The following PKN2 variants were observed in gnomAD, a reference collection of about 807,000 sequenced individuals.
PKN2 encodes serine/threonine-protein kinase N2.
A neutral mutation model predicts 119.1 loss-of-function variants in PKN2; 38 were observed. The ratio of observed to expected loss-of-function variants is 0.32; its 90% CI spans 0.25 to 0.42. The LOEUF is 0.42. Among genes scored for constraint, PKN2 ranks in the 10% least tolerant of loss-of-function variants. The pLI is 1.00. For missense variants in PKN2, 850 were observed against 1,165.1 expected (o/e 0.73, Z 3.94); for synonymous variants, 390 against 384.9 (o/e 1.01, Z -0.15).
intron 1 of PKN2, among the ~76,000 whole-genome samples, chr1:88,703,102 T>C (rs1299467906): frequency 6.6e-6 from 1 of 152,242 alleles, no homozygotes; most frequent in Non-Finnish European, 1.5e-5. Context: ...TGGTTTATTC[T>C]GTAGGTTCAA....
chr1:88,827,712 T>C (rs1387116559), intron 18 of PKN2, among the ~76,000 whole-genome samples: 1 of 147,682 alleles, frequency 6.8e-6, no homozygotes, highest in East Asian at 2.0e-4. Context: ...GAGATATATA[T>C]ATGTTTTTTG....
At chr1:88,699,344 T>C (rs9803761) in intron 1 of PKN2, among the ~76,000 whole-genome samples, 17,083 of 152,216 alleles carry the variant, frequency 0.11, 1,972 homozygotes, top group African/African-American at 0.3. Context: ...TTTTTAATTA[T>C]ATAAGTATCT....
chr1:88,796,145 A>C (rs1231418700), intron 8 of PKN2, among the ~76,000 whole-genome samples: 1 of 152,204 alleles, frequency 6.6e-6, no homozygotes, highest in African/African-American at 2.4e-5. Flanking sequence ...GACCAGAAGT[A>C]TTTTAGATTC....
At chr1:88,796,583 T>G (rs1671078033) in intron 8 of PKN2, among the ~76,000 whole-genome samples, 1 of 152,204 alleles carries the variant, frequency 6.6e-6, no homozygotes. Context: ...CTCTGATGAC[T>G]TTGTCCTCTC....
At chr1:88,807,019 A>G (rs1271418112) in intron 12 of PKN2, among the ~76,000 whole-genome samples, 5 of 152,056 alleles carry the variant, frequency 3.3e-5, no homozygotes, top group Non-Finnish European at 1.5e-5. Context: ...TGCTCAGCCC[A>G]GTTTTTCATA....
At chr1:88,781,735 C>T (rs897967209) in intron 6 of PKN2, among the ~76,000 whole-genome samples, 2 of 152,054 alleles carry the variant, frequency 1.3e-5, no homozygotes, top group African/African-American at 4.8e-5. Context: ...ATTTAATAAG[C>T]TACCATAGTT....
intron 6 of PKN2, among the ~76,000 whole-genome samples, chr1:88,774,443 G>A (rs577836431): frequency 1.7e-4 from 26 of 152,176 alleles, no homozygotes; most frequent in Admixed American, 2.6e-4. Context: ...CTGTCTAGAG[G>A]CCCACCATGA....
rs1390997627 is a variant in PKN2 at position 88,833,482 on chromosome 1, A to G, written c.*34A>G. On this transcript the variant is annotated 3_prime_UTR_variant, in exon 22 of 22. Transcript: ENST00000370521. ...ACACTGCGAAACCAAGCTGACTCAC[A>G]AGAAGACCTCTTAAAAATAGCAACC... 6.5e-7 allele frequency: 1 copy of G among 1,547,022 alleles called. No individual in the cohort carries two copies. Among genetic ancestry groups the G allele is most frequent in the East Asian group, 2.2e-5 (1 of 44,458 alleles).
chr1:88,796,717 T>C (rs1404010657), intron 8 of PKN2, among the ~76,000 whole-genome samples: 1 of 152,206 alleles, frequency 6.6e-6, no homozygotes, highest in Admixed American at 6.5e-5. Context: ...TTGTGCATAT[T>C]GTATATGCCA....
intron 6 of PKN2, among the ~76,000 whole-genome samples, chr1:88,772,182 A>G (rs1669923662): frequency 6.6e-6 from 1 of 152,058 alleles, no homozygotes; most frequent in African/African-American, 2.4e-5. Context: ...AGCAACTACT[A>G]ATTGTCTGTC....
intron 6 of PKN2, among the ~76,000 whole-genome samples, chr1:88,779,317 T>C (rs1670234234): frequency 6.6e-6 from 1 of 152,186 alleles, no homozygotes; most frequent in South Asian, 2.1e-4. Flanking sequence ...TCCAGAGTTC[T>C]GATAAACTCA....
chr1:88,787,785 T>C (rs1670641725), intron 8 of PKN2, among the ~76,000 whole-genome samples: 1 of 152,222 alleles, frequency 6.6e-6, no homozygotes, highest in African/African-American at 2.4e-5. Flanking sequence ...TTGGAAGACA[T>C]TGTGCATGTT....
At chr1:88,808,635 G>A (rs1246207229) in intron 15 of PKN2, among the ~76,000 whole-genome samples, 1 of 151,968 alleles carries the variant, frequency 6.6e-6, no homozygotes, top group Non-Finnish European at 1.5e-5. Flanking sequence ...GATTTGGTGG[G>A]GGTTAAGATT....
At chr1:88,696,544 A>G (rs1483272223) in intron 1 of PKN2, among the ~76,000 whole-genome samples, 1 of 152,212 alleles carries the variant, frequency 6.6e-6, no homozygotes, top group Non-Finnish European at 1.5e-5. Flanking sequence ...TTCATTGCAC[A>G]TAGACCACAG....
intron 8 of PKN2, among the ~76,000 whole-genome samples, chr1:88,791,948 A>G (rs1011419271): frequency 1.3e-5 from 2 of 152,218 alleles, no homozygotes; most frequent in African/African-American, 4.8e-5. Context: ...ATAGCAGAAC[A>G]AGAGTAGGAA....
At chr1:88,730,112 C>G (rs904852547) in intron 1 of PKN2, among the ~76,000 whole-genome samples, 2 of 151,126 alleles carry the variant, frequency 1.3e-5, no homozygotes, top group African/African-American at 4.9e-5. Context: ...TTGCAGTGAG[C>G]GGAGATTGTG....
chr1:88,756,106 T>A (rs1346860493), intron 2 of PKN2, among the ~76,000 whole-genome samples: 1 of 152,032 alleles, frequency 6.6e-6, no homozygotes, highest in Non-Finnish European at 1.5e-5. Flanking sequence ...GAGACGGGGT[T>A]TCACCATGTT....
chr1:88,783,673 G>A (rs898201569), intron 6 of PKN2, among the ~76,000 whole-genome samples: 1 of 152,036 alleles, frequency 6.6e-6, no homozygotes. Context: ...ATGTTAATAC[G>A]GAAGCATTAT....
chr1:88,711,508 A>G (rs554277012), intron 1 of PKN2, among the ~76,000 whole-genome samples: 5 of 152,318 alleles, frequency 3.3e-5, no homozygotes, highest in Admixed American at 1.3e-4. Context: ...TTCTACCAAT[A>G]GTAATCCTGG....
Sources: gnomAD v4.1 joint callset for allele counts (sites outside exome capture counted in the v4.1 genomes callset) on GRCh38, gnomAD v4.1.1 for gene constraint, MANE v1.5 for transcripts, NCBI Gene and HGNC (gene_info 2026-07-23, HGNC 2026-07-21) for gene names.